Variants in CDYL2 observed in about 807,000 individuals in gnomAD.
CDYL2 encodes the protein chromodomain Y-like protein 2.
Under a neutral mutation model 49.4 loss-of-function variants are expected in CDYL2, and 23 were observed. That is an observed-to-expected ratio of 0.47 (90% CI 0.34 to 0.66). The LOEUF (loss-of-function observed/expected upper bound fraction) is 0.66, where lower values mean the gene tolerates loss of function less well. Ranked by LOEUF, CDYL2 falls within the 30% of genes least tolerant of loss-of-function variation. The pLI, the probability that CDYL2 is intolerant of heterozygous loss-of-function variation, is 0.01. For missense variants in CDYL2, 678 were observed against 656.4 expected (o/e 1.03, Z -0.36); for synonymous variants, 360 against 268.8 (o/e 1.34, Z -3.32).
At chr16:80,797,492 G>C (rs1907799824) in intron 1 of CDYL2, among the ~76,000 whole-genome samples, 1 of 152,164 alleles carries the variant, frequency 6.6e-6, no homozygotes, top group African/African-American at 2.4e-5. Context: ...GAAGAAAGCA[G>C]GATTGTATGG....
chr16:80,734,711 CCTG>C (rs1905455122), intron 1 of CDYL2, among the ~76,000 whole-genome samples: 1 of 152,138 alleles, frequency 6.6e-6, no homozygotes, highest in Non-Finnish European at 1.5e-5. Context: ...CACAGATATA[CCTG>C]CTTAAGCTTA....
intron 4 of CDYL2, among the ~76,000 whole-genome samples, chr16:80,618,799 A>G (rs1481201063): frequency 6.6e-6 from 1 of 152,190 alleles, no homozygotes; most frequent in Non-Finnish European, 1.5e-5. Context: ...CACCAGAAGG[A>G]GCAGCCATTG....
At chr16:80,803,586 A>ACCCCCCCCCCCCCCCCCCCCC (rs1907995343) in intron 1 of CDYL2, among the ~76,000 whole-genome samples, 1 of 119,154 alleles carries the variant, frequency 8.4e-6, no homozygotes, top group African/African-American at 3.2e-5. Flanking sequence ...GTCCCCCCGA[A>ACCCCCCCCCCCCCCCCCCCCC]CCCCCACCCA....
chr16:80,638,643 T>C (rs1408324081), intron 2 of CDYL2, among the ~76,000 whole-genome samples: 2 of 151,980 alleles, frequency 1.3e-5, no homozygotes, highest in African/African-American at 4.8e-5. Context: ...CAGTGGTATA[T>C]GATAGACGAC....
In CDYL2 at chr16:80,689,751, G is replaced by A. The variant is rs138809868; in HGVS notation, c.25-4622C>T. On this transcript the variant is annotated intron_variant, in intron 1 of 6. Transcript: ENST00000570137. ...CGTGCAACAAGAAACCTCGCAGACC[G>A]CCATCATGGCTCACAGGCTAGTGAG... 4.6e-3 allele frequency among the ~76,000 whole-genome samples: 698 copies of A among 152,276 alleles called. 3 individuals are homozygous for A. The highest frequency in any genetic ancestry group is 0.016 in the African/African-American group (653 of 41,526).
chr16:80,803,177 C>T (rs1907978726), intron 1 of CDYL2, among the ~76,000 whole-genome samples: 2 of 152,186 alleles, frequency 1.3e-5, no homozygotes, highest in Non-Finnish European at 2.9e-5. Context: ...AAAGCAGTAA[C>T]AGTTGTGTTC....
At chr16:80,672,420 T>C (rs1389018165) in intron 2 of CDYL2, among the ~76,000 whole-genome samples, 1 of 138,028 alleles carries the variant, frequency 7.2e-6, no homozygotes, top group Non-Finnish European at 1.6e-5. Context: ...AATGATACAG[T>C]CAGATATCAC....
chr16:80,665,514 A>AT (rs1204667706), intron 2 of CDYL2, among the ~76,000 whole-genome samples: 1 of 150,636 alleles, frequency 6.6e-6, no homozygotes, highest in Non-Finnish European at 1.5e-5. Context: ...TTAAAAAAAA[A>AT]AAAAAAAAAA....
chr16:80,690,477 C>A (rs1567572807), intron 1 of CDYL2, among the ~76,000 whole-genome samples: 1 of 152,166 alleles, frequency 6.6e-6, no homozygotes, highest in Admixed American at 6.5e-5. Flanking sequence ...TCCAAAATAA[C>A]CCAGCAAGGT....
chr16:80,628,164 T>C (rs1907386875), intron 3 of CDYL2: 1 of 152,270 alleles, frequency 6.6e-6, no homozygotes, highest in Non-Finnish European at 1.5e-5. Flanking sequence ...TTGTGATTCT[T>C]CTGACAAACT....
rs370094425 is a variant in CDYL2 at position 80,760,620 on chromosome 16, C to A, written c.24+43530G>T. Among the ~76,000 whole-genome samples, 68 of 151,936 alleles carry A rather than the reference C, an allele frequency of 4.5e-4. No homozygotes were observed. In the Middle Eastern group the frequency reaches 0.01, roughly 23 times the overall value. ...CCATAAATATATGCACCTACTATGT[C>A]GCCACAAAAATTAAAAATTTAAAAA... On this transcript the variant is annotated intron_variant, in intron 1 of 6. Coordinates refer to ENST00000570137, the MANE Select transcript of CDYL2 (RefSeq NM_152342.4).
chr16:80,669,655 C>G (rs754012894), intron 2 of CDYL2, among the ~76,000 whole-genome samples: 2 of 152,148 alleles, frequency 1.3e-5, no homozygotes, highest in Non-Finnish European at 2.9e-5. Flanking sequence ...GTGGGCAAGA[C>G]AGCTAACTCT....
intron 2 of CDYL2, among the ~76,000 whole-genome samples, chr16:80,649,386 T>C (rs1323670800): frequency 3.9e-5 from 6 of 152,142 alleles, no homozygotes; most frequent in African/African-American, 1.4e-4. Flanking sequence ...CCATTTACAA[T>C]AGCCACAAAT....
chr16:80,797,469 C>T (rs1320447358), intron 1 of CDYL2, among the ~76,000 whole-genome samples: 1 of 152,220 alleles, frequency 6.6e-6, no homozygotes, highest in Non-Finnish European at 1.5e-5. Context: ...ACATAACTAT[C>T]TTCAGGCCAG....
At chr16:80,703,101 G>C (rs1904312039) in intron 1 of CDYL2, among the ~76,000 whole-genome samples, 1 of 152,112 alleles carries the variant, frequency 6.6e-6, no homozygotes, top group African/African-American at 2.4e-5. Context: ...CCCATTAACA[G>C]AATTATCTCA....
chr16:80,701,564 G>C (rs56923360), intron 1 of CDYL2, among the ~76,000 whole-genome samples: 1 of 152,038 alleles, frequency 6.6e-6, no homozygotes, highest in Non-Finnish European at 1.5e-5. Context: ...AAAAAACACC[G>C]AATTGCAAAC....
At position 80,645,686 on chromosome 16, in the gene CDYL2, G is replaced by A. The variant is rs1376717677; in HGVS notation, c.617-12450C>T. 2.0e-5 allele frequency among the ~76,000 whole-genome samples: 3 copies of A among 152,060 alleles called. No homozygotes were observed. In the East Asian group the frequency reaches 5.8e-4, roughly 30 times the overall value. Reference sequence around the variant, plus strand: ...TGCTGCTATAAAGACACATGCACACGTATGTTTACTGTGGCACCATTCACA... The same window carrying A: ...TGCTGCTATAAAGACACATGCACACATATGTTTACTGTGGCACCATTCACA... On this transcript the variant is annotated intron_variant, in intron 2 of 6. Coordinates refer to ENST00000570137, the MANE Select transcript of CDYL2 (RefSeq NM_152342.4).
At chr16:80,717,573 G>C (rs1019490237) in intron 1 of CDYL2, among the ~76,000 whole-genome samples, 2 of 152,166 alleles carry the variant, frequency 1.3e-5, no homozygotes, top group African/African-American at 4.8e-5. Context: ...ACCATGAAGA[G>C]AAAACCCCTG....
At chr16:80,727,767 G>GCCTCC (rs912648210) in intron 1 of CDYL2, among the ~76,000 whole-genome samples, 3 of 152,222 alleles carry the variant, frequency 2.0e-5, no homozygotes, top group Non-Finnish European at 4.4e-5. Flanking sequence ...TGGGCAGACT[G>GCCTCC]CCTCCTCAAG....
Sources: allele counts gnomAD v4.1 joint callset (sites outside exome capture counted in the v4.1 genomes callset), GRCh38; gene constraint gnomAD v4.1.1; transcripts MANE v1.5; gene names NCBI Gene and HGNC (gene_info 2026-07-23, HGNC 2026-07-21).